The following LSM14A variants were observed in gnomAD, a reference collection of about 807,000 sequenced individuals.
LSM14A encodes the protein protein LSM14 homolog A.
LSM14A carries 14 observed loss-of-function variants against 52.4 expected under a neutral mutation model. The observed-to-expected ratio is 0.27, with a 90% CI of 0.18 to 0.42. LSM14A has a LOEUF of 0.42. LSM14A is among the 10% of genes least tolerant of loss of function. The pLI is 1.00. For missense variants in LSM14A, 417 were observed against 581.8 expected (o/e 0.72, Z 2.91); for synonymous variants, 185 against 200.3 (o/e 0.92, Z 0.64).
Position 34,172,718 on chromosome 19 carries a change from C to A in LSM14A, c.76C>A (p.Leu26Ile). ...SKAEIRYEGI[L>I]YTIDTENSTV... is the part of the protein sequence containing the mutation. ...GGCGGAGATCCGCTACGAGGGCATCCTCTACACCATCGACACCGAAAACTC... is the reference window on the plus strand; with the variant it reads ...GGCGGAGATCCGCTACGAGGGCATCATCTACACCATCGACACCGAAAACTC... Residue 26 changes from leucine (L) to isoleucine (I), a missense_variant, in exon 1 of 10, where the codon CTC (leucine) becomes ATC (isoleucine). Leu to Ile is a conservative substitution (Grantham distance 5, BLOSUM62 2). Coordinates refer to ENST00000544216, the MANE Select transcript of LSM14A (RefSeq NM_015578.4). The A allele has an allele frequency of 6.3e-7, 1 of 1,581,272 alleles. No homozygotes were observed. Among genetic ancestry groups the A allele is most frequent in the Non-Finnish European group, 8.6e-7 (1 of 1,165,256 alleles).
At chr19:34,200,543 G>T (rs1457645037) in intron 3 of LSM14A, among the ~76,000 whole-genome samples, 1 of 152,136 alleles carries the variant, frequency 6.6e-6, no homozygotes. Context: ...AGAAAAATGT[G>T]TATATTAAGG....
chr19:34,176,267 C>A (rs2069083930), intron 1 of LSM14A, among the ~76,000 whole-genome samples: 1 of 151,900 alleles, frequency 6.6e-6, no homozygotes, highest in Admixed American at 6.6e-5. Context: ...ACAGTCTTAG[C>A]ATTCTCTTTT....
At chr19:34,217,152 G>C (rs926723168) in intron 6 of LSM14A, among the ~76,000 whole-genome samples, 2 of 151,564 alleles carry the variant, frequency 1.3e-5, no homozygotes, top group Non-Finnish European at 2.9e-5. Flanking sequence ...CCAGCTGCTC[G>C]GGAGGCTGAG....
chr19:34,226,739 TG>T (rs529213959), intron 9 of LSM14A, among the ~76,000 whole-genome samples: 149 of 152,328 alleles, frequency 9.8e-4, no homozygotes, highest in African/African-American at 3.5e-3. Flanking sequence ...TCCAGCCCTT[TG>T]TACAGGCCTT....
chr19:34,196,250 AATC>A lies in LSM14A; in HGVS notation c.286-381_286-379del, dbSNP rs2070828811. On this transcript the variant is annotated intron_variant, in intron 2 of 9. Transcript: ENST00000544216. ...CTCAAATGATTGAAAATAAGAGTAA[AATC>A]ATACGTGAGATTTATATCAACATCA... 3.3e-5 allele frequency among the ~76,000 whole-genome samples: 5 copies of A among 152,200 alleles called. No individual in the cohort carries two copies. In the South Asian group the frequency reaches 1.0e-3, roughly 32 times the overall value.
Position 34,221,703 on chromosome 19 carries a change from C to T in LSM14A, c.1333C>T (p.Arg445Cys). Residue 445 changes from arginine (R) to cysteine (C), a missense_variant, in exon 9 of 10, where the codon CGT becomes TGT. Coordinates refer to ENST00000544216, the MANE Select transcript of LSM14A (RefSeq NM_015578.4). Reference protein sequence around the residue: ...RGFRGGFRGGRGGREFADFEY... With the variant: ...RGFRGGFRGGCGGREFADFEY... ...ATTTCGCGGTGGATTCAGAGGAGGT[C>T]GTGGGGGCCGGGAGTTTGCGGATTT... 1 of 1,613,622 alleles carries T rather than the reference C, an allele frequency of 6.2e-7. No individual in the cohort carries two copies. The highest frequency in any genetic ancestry group is 1.1e-5 in the South Asian group (1 of 91,050).
chr19:34,198,731 A>G (rs1012292209), intron 3 of LSM14A, among the ~76,000 whole-genome samples: 2 of 152,262 alleles, frequency 1.3e-5, no homozygotes, highest in African/African-American at 4.8e-5. Context: ...TTACGCCTGT[A>G]ATCCCAGCAC....
At chr19:34,186,217 T>C (rs577671172) in intron 1 of LSM14A, among the ~76,000 whole-genome samples, 1 of 152,334 alleles carries the variant, frequency 6.6e-6, no homozygotes, top group African/African-American at 2.4e-5. Context: ...TAGAATGCTG[T>C]GTGGTTTTCA....
intron 2 of LSM14A, chr19:34,195,198 CT>C (rs34828620): frequency 0.57 from 77,951 of 137,626 alleles, 22,098 homozygotes; most frequent in African/African-American, 0.66. Context: ...TTTTCTTTTT[CT>C]TTTTTTTTTT....
intron 3 of LSM14A, 29 bp downstream of exon 3, chr19:34,196,792 G>T (rs1419300314): frequency 1.3e-6 from 2 of 1,573,302 alleles, no homozygotes; most frequent in Non-Finnish European, 1.7e-6. Flanking sequence ...TTCTTTTTTT[G>T]TTTTTGTATT....
Position 34,227,448 on chromosome 19 carries a change from A to G in LSM14A, c.*60A>G. On this transcript the variant is annotated 3_prime_UTR_variant, in exon 10 of 10. Transcript: ENST00000544216. ...TAGCTCTTCATGGTCCTGAACATTG[A>G]TTTCAGTCTTTGCAAAGAATGAAGA... 7.8e-7 allele frequency: 1 copy of G among 1,282,286 alleles called. No homozygotes were observed. The highest frequency in any genetic ancestry group is 1.4e-5 in the South Asian group (1 of 70,718). The allele number at this position is 1,282,286 out of a possible 1,614,324, so 79.4% of individuals were successfully genotyped here.
At position 34,192,319 on chromosome 19, in the gene LSM14A, GTTTT is replaced by G. The variant is rs71165632; in HGVS notation, c.122-2139_122-2136del. Among the ~76,000 whole-genome samples the G allele has an allele frequency of 1.7e-4, 9 of 53,410 alleles. 1 individual carries two copies. In the South Asian group the frequency reaches 3.3e-3, roughly 19 times the overall value. The allele number at this position is 53,410 out of a possible 152,430, so 35.0% of individuals were successfully genotyped here. The stretch of plus-strand genomic sequence containing the variant: ...ACACTGAAATAACATTCTTTTTGTT[GTTTT>G]TTTTTTTTTTTTTTTTTTTGGAGTC... On this transcript the variant is annotated intron_variant, in intron 1 of 9. Transcript: ENST00000544216.
At chr19:34,210,426 C>T (rs1260634) in intron 4 of LSM14A, among the ~76,000 whole-genome samples, 52,330 of 151,754 alleles carry the variant, frequency 0.34, 9,441 homozygotes, top group African/African-American at 0.38. Context: ...CGTGCCACCA[C>T]GCCCAGCTCA....
Position 34,217,032 on chromosome 19 carries a change from C to A in LSM14A, c.781+1371C>A, listed in dbSNP as rs563525392. ...ATCTCAGCACTTTGGGACGCCGAGG[C>A]GGGCAGGTCACGAGGTCAGGAGTTT... On this transcript the variant is annotated intron_variant, in intron 6 of 9. Coordinates refer to ENST00000544216, the MANE Select transcript of LSM14A (RefSeq NM_015578.4). 3.3e-5 allele frequency among the ~76,000 whole-genome samples: 5 copies of A among 152,192 alleles called. No homozygotes were observed. In the East Asian group the frequency reaches 5.8e-4, roughly 18 times the overall value.
chr19:34,195,126 A>T (rs2090530986), intron 2 of LSM14A: 1 of 162,520 alleles, frequency 6.2e-6, no homozygotes, highest in South Asian at 1.8e-4. Flanking sequence ...TAATGGGGAA[A>T]AAAAAGCAAA....
intron 9 of LSM14A, among the ~76,000 whole-genome samples, chr19:34,225,607 ATCCTT>A (rs1218749279): frequency 6.6e-6 from 1 of 152,210 alleles, no homozygotes; most frequent in Non-Finnish European, 1.5e-5. Flanking sequence ...AAGTTTTAGA[ATCCTT>A]AAAAGAATCA....
Position 34,194,764 on chromosome 19 carries a change from A to G in LSM14A, c.285+123A>G, listed in dbSNP as rs1223931964. The G allele has an allele frequency of 3.5e-6, 3 of 855,358 alleles. No individual in the cohort carries two copies. The East Asian group carries it at 7.5e-5, about 21-fold the overall frequency. 53.0% of individuals were successfully genotyped at this position (855,358 alleles called of 1,614,324 possible). On this transcript the variant is annotated intron_variant, in intron 2 of 9. Coordinates refer to ENST00000544216, the MANE Select transcript of LSM14A (RefSeq NM_015578.4). ...TTTCCAAGTTACTGGGATACCTGAAATTACTGGATAATGTTCTCATCTAGG... is the reference window on the plus strand; with the variant it reads ...TTTCCAAGTTACTGGGATACCTGAAGTTACTGGATAATGTTCTCATCTAGG...
intron 6 of LSM14A, among the ~76,000 whole-genome samples, chr19:34,216,451 A>G (rs2072601862): frequency 6.6e-6 from 1 of 151,724 alleles, no homozygotes; most frequent in Non-Finnish European, 1.5e-5. Context: ...AAAAAATTCT[A>G]CTTAGTGGTA....
In LSM14A at chr19:34,227,790, T is replaced by TTGTG. The variant is rs71165635; in HGVS notation, c.*438_*441dup. ...ATACTGTGTTTTGAGCCACAGAAGG[T>TTGTG]TGTGTGTGTGTGTGTGTGTGTGTGT... On this transcript the variant is annotated 3_prime_UTR_variant, in exon 10 of 10. Transcript: ENST00000544216. 11,603 of 152,324 alleles carry TTGTG rather than the reference T, an allele frequency of 0.076. 533 individuals are homozygous for TTGTG. The highest frequency in any genetic ancestry group is 0.098 in the African/African-American group (3,563 of 36,524). 9.4% of individuals were successfully genotyped at this position (152,324 alleles called of 1,614,324 possible). A position where few individuals can be genotyped will look rare whatever the true frequency, so the allele number is the denominator to read the frequency against.
Sources: allele counts gnomAD v4.1 joint callset (sites outside exome capture counted in the v4.1 genomes callset), GRCh38; gene constraint gnomAD v4.1.1; transcripts MANE v1.5; gene names NCBI Gene and HGNC (gene_info 2026-07-23, HGNC 2026-07-21).